Variants in PRKAR1B observed in about 807,000 individuals in gnomAD.
PRKAR1B encodes the protein protein kinase cAMP-dependent type I regulatory subunit beta.
A neutral mutation model predicts 46.5 loss-of-function variants in PRKAR1B; 22 were observed. The observed-to-expected ratio is 0.47, with a 90% CI of 0.34 to 0.68. The LOEUF is 0.68. PRKAR1B is among the 30% of genes least tolerant of loss of function. The pLI is 0.01. For missense variants in PRKAR1B, 445 were observed against 535.6 expected, an observed-to-expected ratio of 0.83 and a Z score of 1.67; for synonymous variants, 259 against 217.7, an observed-to-expected ratio of 1.19 and a Z score of -1.67.
intron 6 of PRKAR1B, among the ~76,000 whole-genome samples, chr7:605,629 C>T (rs1465319813): frequency 6.6e-6 from 1 of 152,192 alleles, no homozygotes; most frequent in Non-Finnish European, 1.5e-5. Flanking sequence ...CTTCTCCTTC[C>T]AAAACAGTGG....
At chr7:649,449 C>T (rs940699746) in intron 4 of PRKAR1B, among the ~76,000 whole-genome samples, 5 of 152,180 alleles carry the variant, frequency 3.3e-5, no homozygotes, top group Middle Eastern at 3.4e-3. Context: ...GTTAACTAAA[C>T]GTTTATACAT....
At chr7:682,623 T>C (rs1362042284) in intron 2 of PRKAR1B, among the ~76,000 whole-genome samples, 2 of 151,966 alleles carry the variant, frequency 1.3e-5, no homozygotes, top group South Asian at 2.1e-4. Flanking sequence ...CAGGCACCTG[T>C]AGTCCCAGCT....
At chr7:584,211 G>C (rs891268553) in intron 8 of PRKAR1B, among the ~76,000 whole-genome samples, 15 of 152,200 alleles carry the variant, frequency 9.9e-5, no homozygotes, top group Non-Finnish European at 1.5e-4. Flanking sequence ...TGGGGGCGCG[G>C]CTCTGACAGC....
At chr7:569,026 G>T (rs1368088735) in intron 9 of PRKAR1B, among the ~76,000 whole-genome samples, 1 of 150,674 alleles carries the variant, frequency 6.6e-6, no homozygotes, top group Non-Finnish European at 1.5e-5. Flanking sequence ...TTTTTTTGGT[G>T]GGGGAGAGGG....
chr7:685,298 A>G (rs370728122), intron 2 of PRKAR1B, among the ~76,000 whole-genome samples: 295 of 14,770 alleles, frequency 0.02, 33 homozygotes, highest in African/African-American at 0.049. Context: ...ATGTATACAT[A>G]TATATATACG....
At chr7:616,469 G>A (rs1244410156) in intron 4 of PRKAR1B, among the ~76,000 whole-genome samples, 1 of 152,250 alleles carries the variant, frequency 6.6e-6, no homozygotes, top group Admixed American at 6.5e-5. Context: ...AAACAGTGAT[G>A]GAGCCCAGGG....
chr7:561,272 G>A (rs886102748), intron 9 of PRKAR1B, among the ~76,000 whole-genome samples: 1 of 151,418 alleles, frequency 6.6e-6, no homozygotes, highest in Admixed American at 6.6e-5. Flanking sequence ...ACACACGCCT[G>A]TGCACACACA....
intron 9 of PRKAR1B, among the ~76,000 whole-genome samples, chr7:556,784 C>A (rs1213201685): frequency 1.3e-5 from 2 of 152,204 alleles, no homozygotes; most frequent in African/African-American, 2.4e-5. Flanking sequence ...TCCAAACACA[C>A]CCCAGTAGAG....
Position 666,279 on chromosome 7 carries a change from T to C in PRKAR1B, c.440+10950A>G, listed in dbSNP as rs117319385. On this transcript the variant is annotated intron_variant, in intron 4 of 10. Transcript: ENST00000537384. This position sits in a 1 kb window ranked among gnomAD's most constrained non-coding sequence, Gnocchi z 4.9. ...TGGCACATCAGAGAGCTCCGGAACA[T>C]GCGGGGCTGCTTCCCTGGGACACAC... Among the ~76,000 whole-genome samples, 26 of 126,528 alleles carry C rather than the reference T, an allele frequency of 2.1e-4. No individual in the cohort carries two copies. Among genetic ancestry groups the C allele is most frequent in the East Asian group, 4.0e-4 (2 of 4,978 alleles). 83.0% of individuals were successfully genotyped at this position (126,528 alleles called of 152,430 possible).
rs142963971 is a variant in PRKAR1B, at chr7:691,976, G to A, written c.178-11250C>T. On this transcript the variant is annotated intron_variant, in intron 2 of 10. Transcript: ENST00000537384. Reference sequence around the variant, plus strand: ...GGGAGACGGAAATCAAGGGTGAGACGCTGCAAATACTTTCTCAAACCTTTG... The same window carrying A: ...GGGAGACGGAAATCAAGGGTGAGACACTGCAAATACTTTCTCAAACCTTTG... Among the ~76,000 whole-genome samples the A allele has an allele frequency of 7.2e-5, 11 of 152,316 alleles. No homozygotes were observed. The East Asian group carries it at 1.7e-3, about 24-fold the overall frequency.
chr7:638,988 G>A (rs1784260506), intron 4 of PRKAR1B, among the ~76,000 whole-genome samples: 1 of 152,182 alleles, frequency 6.6e-6, no homozygotes, highest in African/African-American at 2.4e-5. Flanking sequence ...TGAGGTAGGA[G>A]AATCGCTTGA....
At chr7:632,577 G>A (rs1387632716) in intron 4 of PRKAR1B, among the ~76,000 whole-genome samples, 1 of 152,240 alleles carries the variant, frequency 6.6e-6, no homozygotes, top group Non-Finnish European at 1.5e-5. Flanking sequence ...CGAGCACACT[G>A]GGTGGGGCTG....
rs1418659673 is a variant in PRKAR1B at position 583,523 on chromosome 7, G to C, written c.769+985C>G. Among the ~76,000 whole-genome samples, 4 of 123,694 alleles carry C rather than the reference G, an allele frequency of 3.2e-5. 1 individual carries two copies. Among genetic ancestry groups the C allele is most frequent in the Admixed American group, 1.6e-4 (2 of 12,296 alleles). 81.1% of individuals were successfully genotyped at this position (123,694 alleles called of 152,430 possible). On this transcript the variant is annotated intron_variant, in intron 8 of 10. Transcript: ENST00000537384. ...CACCCATACACACCCACACACGCGT[G>C]CACACACCCACTCACACACGTGCCA...
In PRKAR1B at chr7:640,534, G is replaced by A. The variant is rs957799252; in HGVS notation, c.441-33082C>T. Among the ~76,000 whole-genome samples the A allele has an allele frequency of 2.0e-4, 31 of 152,114 alleles. No homozygotes were observed. In the South Asian group the frequency reaches 4.6e-3, roughly 22 times the overall value. ...TCCCAGCACTTCGGGAGGCCGAGGC[G>A]GGTGGACCACCTGAGGTCAGGAGTT... On this transcript the variant is annotated intron_variant, in intron 4 of 10. Coordinates refer to ENST00000537384, the MANE Select transcript of PRKAR1B (RefSeq NM_001164760.2).
At chr7:573,464 G>C (rs1367759431) in intron 9 of PRKAR1B, among the ~76,000 whole-genome samples, 1 of 152,056 alleles carries the variant, frequency 6.6e-6, no homozygotes, top group Non-Finnish European at 1.5e-5. Context: ...CTGTGCAGGA[G>C]CGCGTGGGGG....
chr7:676,916 G>A (rs569115907), intron 4 of PRKAR1B, among the ~76,000 whole-genome samples: 3 of 145,504 alleles, frequency 2.1e-5, no homozygotes, highest in South Asian at 2.2e-4. Flanking sequence ...GGTGATTCCC[G>A]GGCAAGCAAC....
intron 9 of PRKAR1B, among the ~76,000 whole-genome samples, chr7:563,963 C>T (rs1254733328): frequency 1.3e-5 from 2 of 152,220 alleles, no homozygotes; most frequent in Admixed American, 6.5e-5. Context: ...TGATTATGTT[C>T]TAAAGAGGCA....
chr7:587,262 C>T (rs1006541386), intron 7 of PRKAR1B, among the ~76,000 whole-genome samples: 2 of 152,202 alleles, frequency 1.3e-5, no homozygotes, highest in Non-Finnish European at 2.9e-5. Context: ...AAAGCATCTT[C>T]CCATCCACTC....
chr7:566,371 T>TC (rs1779136021), intron 9 of PRKAR1B, among the ~76,000 whole-genome samples: 1 of 8,286 alleles, frequency 1.2e-4, no homozygotes, highest in Admixed American at 1.4e-3. Flanking sequence ...ATATTCACCA[T>TC]TTCATCACCT....
Sources: gnomAD v4.1 joint callset for allele counts (sites outside exome capture counted in the v4.1 genomes callset) on GRCh38, gnomAD v4.1.1 for gene constraint, Gnocchi (gnomAD v3.1) non-coding constraint, MANE v1.5 for transcripts, NCBI Gene and HGNC (gene_info 2026-07-23, HGNC 2026-07-21) for gene names.